SHOC2: variants seen among roughly 807,000 people sequenced by gnomAD.
SHOC2 encodes the protein leucine-rich repeat protein SHOC-2.
In SHOC2, 4 loss-of-function variants were observed where a neutral mutation model predicts 50.2. The observed-to-expected ratio is 0.08, with a 90% CI of 0.04 to 0.18. SHOC2 has a LOEUF of 0.18. Ranked by LOEUF, SHOC2 falls within the 10% of genes least tolerant of loss-of-function variation. The pLI, the probability that SHOC2 is intolerant of heterozygous loss-of-function variation, is 1.00. For missense variants in SHOC2, 388 were observed against 669.6 expected (o/e 0.58, Z 4.64); for synonymous variants, 218 against 244.5 (o/e 0.89, Z 1.01).
chr10:110,956,360 G>A (rs965726927), intron 1 of SHOC2, among the ~76,000 whole-genome samples: 6 of 152,056 alleles, frequency 3.9e-5, no homozygotes, highest in African/African-American at 1.4e-4. Flanking sequence ...TTACAGGTGC[G>A]CGCCAGCACA....
At chr10:110,961,022 TC>T (rs1847561302) in intron 1 of SHOC2, among the ~76,000 whole-genome samples, 3 of 152,118 alleles carry the variant, frequency 2.0e-5, no homozygotes, top group Non-Finnish European at 4.4e-5. Flanking sequence ...TTAAGTGTAT[TC>T]AAGGGAGCTA....
intron 2 of SHOC2, among the ~76,000 whole-genome samples, chr10:110,977,315 G>C (rs954853842): frequency 8.6e-5 from 13 of 150,462 alleles, no homozygotes; most frequent in African/African-American, 3.2e-4. Flanking sequence ...GCAATGGTGT[G>C]ATCTCGGCCC....
chr10:110,962,747 T>C (rs1195071249), intron 1 of SHOC2, among the ~76,000 whole-genome samples: 1 of 152,208 alleles, frequency 6.6e-6, no homozygotes, highest in Non-Finnish European at 1.5e-5. Context: ...CCACCTGTAA[T>C]GCTTTGCCAT....
At chr10:110,999,760 G>GAAAAAAAAAAAAAA (rs1848335373) in intron 3 of SHOC2, among the ~76,000 whole-genome samples, 1 of 87,802 alleles carries the variant, frequency 1.1e-5, no homozygotes, top group African/African-American at 3.8e-5. Context: ...AAAAAAAAAA[G>GAAAAAAAAAAAAAA]AAAGAAAAGA....
chr10:110,993,828 C>A (rs1848224060), intron 3 of SHOC2, among the ~76,000 whole-genome samples: 1 of 152,118 alleles, frequency 6.6e-6, no homozygotes, highest in African/African-American at 2.4e-5. Context: ...CCCTACTAAC[C>A]TTTGTTACCA....
chr10:110,925,573 T>G lies in SHOC2; in HGVS notation c.-235+5916T>G, dbSNP rs528134920. On this transcript the variant is annotated intron_variant, in intron 1 of 8. Transcript: ENST00000369452. ...CCTGGGCTCAAGTGATCCTCCCACT[T>G]TAACCTCTCGTGTAACTGGACTACA... Among the ~76,000 whole-genome samples the G allele has an allele frequency of 5.3e-5, 8 of 152,280 alleles. No individual in the cohort carries two copies. The South Asian group carries it at 1.7e-3, about 32-fold the overall frequency.
intron 1 of SHOC2, chr10:110,919,918 A>G (rs1314011038): frequency 1.1e-5 from 3 of 272,200 alleles, no homozygotes; most frequent in Non-Finnish European, 2.0e-5. Context: ...CGGCGCGGAG[A>G]GGAAGGCGGT....
intron 1 of SHOC2, among the ~76,000 whole-genome samples, chr10:110,936,029 T>C (rs548757713): frequency 7.2e-5 from 11 of 152,286 alleles, no homozygotes; most frequent in African/African-American, 2.6e-4. Context: ...TCCTTAGGGT[T>C]TTGCATATTT....
rs1402299398 is a variant in SHOC2 at position 111,011,983 on chromosome 10, A to T, written c.*165A>T. ...ATCATAGCCATTTAGAATTTTTTTT[A>T]AATTCTGTACAAAAGGCTTATATAA... On this transcript the variant is annotated 3_prime_UTR_variant, in exon 9 of 9. Transcript: ENST00000369452. 8 of 641,404 alleles carry T rather than the reference A, an allele frequency of 1.2e-5. No homozygotes were observed. Among genetic ancestry groups the T allele is most frequent in the East Asian group, 1.1e-4 (4 of 36,374 alleles). The allele number at this position is 641,404 out of a possible 1,614,324, so 39.7% of individuals were successfully genotyped here.
At chr10:110,921,446 C>G (rs1306989660) in intron 1 of SHOC2, among the ~76,000 whole-genome samples, 1 of 152,100 alleles carries the variant, frequency 6.6e-6, no homozygotes, top group Non-Finnish European at 1.5e-5. Context: ...TAATATAAAG[C>G]CAACATATAA....
In SHOC2 at chr10:110,964,279, A is replaced by T; in HGVS notation, c.-80A>T. On this transcript the variant is annotated 5_prime_UTR_variant, in exon 2 of 9. Transcript: ENST00000369452. The surrounding 1 kb of genome is among the most constrained non-coding windows in gnomAD (Gnocchi z 4.9). ...GCCAGTACTTTTTTGATTGTGTAGG[A>T]TCTTTGTCTCTTCATCTTTGAATTC... 1 of 1,553,230 alleles carries T rather than the reference A, an allele frequency of 6.4e-7. No homozygotes were observed. The highest frequency in any genetic ancestry group is 8.7e-7 in the Non-Finnish European group (1 of 1,151,466).
chr10:110,965,133 A>C (rs1847648802), intron 2 of SHOC2, 72 bp downstream of exon 2: 4 of 1,313,544 alleles, frequency 3.0e-6, no homozygotes, highest in Admixed American at 1.9e-5. Context: ...TTCTCATATC[A>C]AAAAATGCCT....
At chr10:110,971,452 T>C (rs1156430897) in intron 2 of SHOC2, among the ~76,000 whole-genome samples, 1 of 152,142 alleles carries the variant, frequency 6.6e-6, no homozygotes, top group Non-Finnish European at 1.5e-5. Context: ...TTGGTTACTC[T>C]AACTTTGTGT....
intron 2 of SHOC2, among the ~76,000 whole-genome samples, chr10:110,983,883 A>C (rs1412012876): frequency 6.6e-6 from 1 of 152,180 alleles, no homozygotes; most frequent in African/African-American, 2.4e-5. Context: ...CGTTATATAA[A>C]CATACCACAT....
chr10:110,980,389 C>G (rs952577312), intron 2 of SHOC2, among the ~76,000 whole-genome samples: 6 of 152,118 alleles, frequency 3.9e-5, no homozygotes, highest in African/African-American at 1.4e-4. Flanking sequence ...ATCTCCTGAC[C>G]TCGTGATCTG....
At chr10:110,934,853 A>AGTAGTAGTTTTTGTCTAGTCCAT (rs754442295) in intron 1 of SHOC2, among the ~76,000 whole-genome samples, 13 of 152,232 alleles carry the variant, frequency 8.5e-5, no homozygotes, top group Non-Finnish European at 1.5e-4. Context: ...AGGTAACTTA[A>AGTAGTAGTTTTTGTCTAGTCCAT]GTAGTAGTTT....
At chr10:110,999,736 CAA>C (rs145780250) in intron 3 of SHOC2, among the ~76,000 whole-genome samples, 112 of 81,716 alleles carry the variant, frequency 1.4e-3, no homozygotes, top group Middle Eastern at 8.8e-3. Flanking sequence ...GACTCAGTCT[CAA>C]AAAAAAAAAA....
intron 3 of SHOC2, among the ~76,000 whole-genome samples, chr10:110,990,284 A>G (rs1848157457): frequency 6.6e-6 from 1 of 152,020 alleles, no homozygotes; most frequent in Non-Finnish European, 1.5e-5. Context: ...TAAATACACC[A>G]ATCAGCACCC....
At chr10:110,999,736 C>CAAAAAAAAAA (rs145780250) in intron 3 of SHOC2, among the ~76,000 whole-genome samples, 27 of 81,658 alleles carry the variant, frequency 3.3e-4, no homozygotes, top group African/African-American at 1.2e-3. Flanking sequence ...GACTCAGTCT[C>CAAAAAAAAAA]AAAAAAAAAA....
Sources: allele counts gnomAD v4.1 joint callset (sites outside exome capture counted in the v4.1 genomes callset), GRCh38; gene constraint gnomAD v4.1.1; non-coding constraint Gnocchi (gnomAD v3.1); transcripts MANE v1.5; gene names NCBI Gene and HGNC (gene_info 2026-07-23, HGNC 2026-07-21).